The following LGI2 variants were observed in gnomAD, a reference collection of about 807,000 sequenced individuals.
LGI2 encodes the protein leucine rich repeat LGI family member 2, also known as leucine-rich repeat LGI family member 2.
In LGI2, 30 loss-of-function variants were observed where a neutral mutation model predicts 52.0. The ratio of observed to expected loss-of-function variants is 0.58; its 90% confidence interval spans 0.43 to 0.78. LGI2 has a LOEUF of 0.78. LGI2 is among the 30% of genes least tolerant of loss of function. The pLI is 0.00. For synonymous variants in LGI2, 270 were observed against 271.8 expected, an observed-to-expected ratio of 0.99 and a Z score of 0.06; for missense variants, 573 against 692.5, an observed-to-expected ratio of 0.83 and a Z score of 1.94.
chr4:25,008,716 G>A (rs765356247), intron 7 of LGI2, among the ~76,000 whole-genome samples: 8 of 152,146 alleles, frequency 5.3e-5, no homozygotes, highest in Non-Finnish European at 1.2e-4. Context: ...GCTAGTAAGG[G>A]CTGGAGCCAG....
intron 6 of LGI2, 65 bp from the exon 7 acceptor site, chr4:25,012,564 T>C: frequency 6.5e-7 from 1 of 1,541,780 alleles, no homozygotes; most frequent in Non-Finnish European, 8.9e-7. Flanking sequence ...TCAACCACCA[T>C]CACCGTTCCA....
rs961542124 is a variant in LGI2 at position 25,001,668 on chromosome 4, G to A, written c.*1783C>T. On this transcript the variant is annotated 3_prime_UTR_variant, in exon 8 of 8. Coordinates refer to ENST00000382114, the MANE Select transcript of LGI2 (RefSeq NM_018176.4). ...AAGTTTCAAGTAACAACACTACTAT[G>A]CGTGGGTGAGTTCGTTCATTAAAAT... 2.6e-5 allele frequency: 4 copies of A among 151,810 alleles called. No individual in the cohort carries two copies. Among genetic ancestry groups the A allele is most frequent in the African/African-American group, 9.7e-5 (4 of 41,304 alleles). The allele number at this position is 151,810 out of a possible 1,614,324, so 9.4% of individuals were successfully genotyped here. A position where few individuals can be genotyped will look rare whatever the true frequency, so the allele number is the denominator to read the frequency against.
chr4:25,023,068 T>TTTGATGATGATGATGA (rs1726025976), intron 4 of LGI2, among the ~76,000 whole-genome samples: 1 of 151,032 alleles, frequency 6.6e-6, no homozygotes, highest in Non-Finnish European at 1.5e-5. Context: ...TATGTTGATG[T>TTTGATGATGATGATGA]TGATGATGAT....
At chr4:25,009,763 G>A (rs1725516615) in intron 7 of LGI2, among the ~76,000 whole-genome samples, 1 of 151,938 alleles carries the variant, frequency 6.6e-6, no homozygotes, top group Non-Finnish European at 1.5e-5. Flanking sequence ...AGCCTCCTGA[G>A]TAGCTGGGAC....
Position 25,003,158 on chromosome 4 carries a change from G to C in LGI2, c.*293C>G, listed in dbSNP as rs1577543686. On this transcript the variant is annotated 3_prime_UTR_variant, in exon 8 of 8. Coordinates refer to ENST00000382114, the MANE Select transcript of LGI2 (RefSeq NM_018176.4). ...TTGTCTTCTTCCTCATCAAAAAGCG[G>C]GGGGGAAGCATATTACATTTCTAGA... is the stretch of plus-strand genomic sequence containing the variant. The C allele has an allele frequency of 4.1e-6, 1 of 243,404 alleles. No individual in the cohort carries two copies. Among genetic ancestry groups the C allele is most frequent in the East Asian group, 8.6e-5 (1 of 11,644 alleles). 15.1% of individuals were successfully genotyped at this position (243,404 alleles called of 1,614,324 possible). A position where few individuals can be genotyped will look rare whatever the true frequency, so the allele number is the denominator to read the frequency against.
chr4:25,002,169 C>T lies in LGI2; in HGVS notation c.*1282G>A, dbSNP rs1331740308. Reference sequence around the variant, plus strand: ...AGCTTGGCTGGCTCCAAAGCTGGCCCCTACTGATCAGCCTGAGATCCCCAG... The same window carrying T: ...AGCTTGGCTGGCTCCAAAGCTGGCCTCTACTGATCAGCCTGAGATCCCCAG... On this transcript the variant is annotated 3_prime_UTR_variant, in exon 8 of 8. Coordinates refer to ENST00000382114, the MANE Select transcript of LGI2 (RefSeq NM_018176.4). 3 of 152,250 alleles carry T rather than the reference C, an allele frequency of 2.0e-5. No individual in the cohort carries two copies. The highest frequency in any genetic ancestry group is 4.4e-5 in the Non-Finnish European group (3 of 68,060). The allele number at this position is 152,250 out of a possible 1,614,324, so 9.4% of individuals were successfully genotyped here. A position where few individuals can be genotyped will look rare whatever the true frequency, so the allele number is the denominator to read the frequency against.
chr4:24,994,868 A>G (rs1251954566), downstream of LGI2, among the ~76,000 whole-genome samples: 2 of 152,170 alleles, frequency 1.3e-5, no homozygotes, highest in African/African-American at 2.4e-5. Flanking sequence ...GAGCATCGTC[A>G]TCTCCCTCGG....
intron 7 of LGI2, among the ~76,000 whole-genome samples, chr4:25,007,257 G>A (rs2324639): frequency 0.094 from 14,149 of 150,138 alleles, 1,053 homozygotes; most frequent in African/African-American, 0.21. Context: ...GTTAAATAAC[G>A]TTTTGATACC....
chr4:25,010,751 A>T (rs1725555240), intron 7 of LGI2, among the ~76,000 whole-genome samples: 1 of 152,222 alleles, frequency 6.6e-6, no homozygotes, highest in Admixed American at 6.5e-5. Context: ...CTGGTGCCTC[A>T]CAGGCTCACG....
chr4:25,003,744 TC>T lies in LGI2; in HGVS notation c.1344del (p.Trp448Ter), dbSNP rs1725315621. 1.2e-6 allele frequency: 2 copies of T among 1,614,168 alleles called. No homozygotes were observed. The highest frequency in any genetic ancestry group is 1.7e-6 in the Non-Finnish European group (2 of 1,180,036). On this transcript the variant is annotated frameshift_variant, in exon 8 of 8. Transcript: ENST00000382114. LOFTEE classifies it high-confidence loss of function. Reference protein sequence around the residue: ...RFIGDSRVMRWNSKQFVEIQA... With the variant: ...RFIGDSRVMRXNSKQFVEIQA... ...TGGATCTCCACAAACTGCTTACTGT[TC>T]CACCTCATGACCCGGGAGTCCCCGA...
rs1225009161 is a variant in LGI2 at position 25,030,745 on chromosome 4, G to T, written c.-52C>A. The T allele has an allele frequency of 2.9e-6, 3 of 1,048,374 alleles. No homozygotes were observed. The highest frequency in any genetic ancestry group is 1.7e-5 in the African/African-American group (1 of 58,524). 64.9% of individuals were successfully genotyped at this position (1,048,374 alleles called of 1,614,324 possible). A position where few individuals can be genotyped will look rare whatever the true frequency, so the allele number is the denominator to read the frequency against. ...CCCGACCCCCACCGCCGCGCCGCGC[G>T]CTCGGACCCGGCGCCGCTGCAGACG... On this transcript the variant is annotated 5_prime_UTR_variant, in exon 1 of 8. Coordinates refer to ENST00000382114, the MANE Select transcript of LGI2 (RefSeq NM_018176.4).
intron 1 of LGI2, among the ~76,000 whole-genome samples, chr4:25,029,218 G>A (rs115458487): frequency 6.6e-6 from 1 of 152,190 alleles, no homozygotes; most frequent in Admixed American, 6.5e-5. Context: ...ATTCCTTTCA[G>A]TTGGCATGCA....
chr4:25,017,357 C>A (rs948967634), intron 6 of LGI2, among the ~76,000 whole-genome samples: 1 of 151,766 alleles, frequency 6.6e-6, no homozygotes, highest in African/African-American at 2.4e-5. Context: ...TCCTGGCCAA[C>A]ATGGTGAAAC....
intron 1 of LGI2, 47 bp downstream of exon 1, chr4:25,030,450 C>A: frequency 6.8e-7 from 1 of 1,479,896 alleles, no homozygotes; most frequent in South Asian, 1.2e-5. Flanking sequence ...CGGCGGCGGA[C>A]GCAGGGTGGG....
downstream of LGI2, among the ~76,000 whole-genome samples, chr4:24,998,065 G>A (rs1254579929): frequency 6.6e-6 from 1 of 151,834 alleles, no homozygotes; most frequent in Non-Finnish European, 1.5e-5. Context: ...TTGTAGAAAT[G>A]GAGTCTCACT....
In LGI2 at chr4:25,029,547, T is replaced by C. The variant is rs539823762; in HGVS notation, c.197+950A>G. On this transcript the variant is annotated intron_variant, in intron 1 of 7. Coordinates refer to ENST00000382114, the MANE Select transcript of LGI2 (RefSeq NM_018176.4). ...GGCATCTTGGCCTGGAACAAGAGAG[T>C]GGTCTTAGCAGGAAACATGTCCTAG... Among the ~76,000 whole-genome samples, 74 of 152,046 alleles carry C rather than the reference T, an allele frequency of 4.9e-4. No individual in the cohort carries two copies. The South Asian group carries it at 0.015, about 31-fold the overall frequency.
At chr4:25,026,381 A>G (rs1164643848) in intron 3 of LGI2, among the ~76,000 whole-genome samples, 1 of 152,140 alleles carries the variant, frequency 6.6e-6, no homozygotes, top group Non-Finnish European at 1.5e-5. Context: ...AAGGAAAAAA[A>G]TAAAATAAAA....
At chr4:25,014,964 T>C (rs1194921362) in intron 6 of LGI2, among the ~76,000 whole-genome samples, 2 of 152,070 alleles carry the variant, frequency 1.3e-5, no homozygotes, top group East Asian at 3.9e-4. Flanking sequence ...TTAAATTTAC[T>C]TCTCACAAAC....
rs1560284982 is a variant in LGI2 at position 24,999,811 on chromosome 4, T to C, written c.*3640A>G. On this transcript the variant is annotated 3_prime_UTR_variant, in exon 8 of 8. Transcript: ENST00000382114. ...AAAAATGCAACTCTGCCATTTCCAG[T>C]GTGCTTCCTGAAGGCTGATGACGGC... 1 of 456,186 alleles carries C rather than the reference T, an allele frequency of 2.2e-6. No individual in the cohort carries two copies. The highest frequency in any genetic ancestry group is 2.0e-5 in the African/African-American group (1 of 50,196). 28.3% of individuals were successfully genotyped at this position (456,186 alleles called of 1,614,324 possible).
Sources: allele counts gnomAD v4.1 joint callset (sites outside exome capture counted in the v4.1 genomes callset), GRCh38; gene constraint gnomAD v4.1.1; transcripts MANE v1.5; gene names NCBI Gene and HGNC (gene_info 2026-07-23, HGNC 2026-07-21).